Variants in ATP9A observed in about 807,000 individuals in gnomAD.
ATP9A encodes the protein ATPase phospholipid transporting 9A.
ATP9A carries 52 observed loss-of-function variants against 144.1 expected under a neutral mutation model. The ratio of observed to expected loss-of-function variants is 0.36; its 90% CI spans 0.29 to 0.45. The LOEUF (loss-of-function observed/expected upper bound fraction) is 0.45. Among genes scored for constraint, ATP9A ranks in the 20% least tolerant of loss-of-function variants. The pLI is 1.00. For synonymous variants in ATP9A, 582 were observed against 557.4 expected, an observed-to-expected ratio of 1.04 and a Z score of -0.62; for missense variants, 947 against 1,392.7, an observed-to-expected ratio of 0.68 and a Z score of 5.09.
intron 1 of ATP9A, among the ~76,000 whole-genome samples, chr20:51,752,251 A>C (rs2077835717): frequency 6.6e-6 from 1 of 152,130 alleles, no homozygotes; most frequent in Non-Finnish European, 1.5e-5. Flanking sequence ...AAAATAAAAC[A>C]ATGACAGTAC....
chr20:51,732,941 G>A (rs2077748355), intron 1 of ATP9A, among the ~76,000 whole-genome samples: 1 of 151,870 alleles, frequency 6.6e-6, no homozygotes. Context: ...CTAAGAGCCA[G>A]TAATTCTCTC....
intron 1 of ATP9A, among the ~76,000 whole-genome samples, chr20:51,736,640 C>A (rs2077764108): frequency 6.6e-6 from 1 of 151,996 alleles, no homozygotes; most frequent in African/African-American, 2.4e-5. Context: ...CAGGCGGGAG[C>A]CACCGCGCCT....
At chr20:51,622,302 T>C (rs773213255) in intron 18 of ATP9A, 130 bp from the exon 19 acceptor site, 27 of 715,526 alleles carry the variant, frequency 3.8e-5, no homozygotes, top group Middle Eastern at 3.5e-4. Context: ...CGACTCATGC[T>C]GTCCCCAACA....
intron 6 of ATP9A, among the ~76,000 whole-genome samples, chr20:51,695,265 T>G (rs1328000029): frequency 2.0e-5 from 3 of 151,910 alleles, no homozygotes; most frequent in Non-Finnish European, 4.4e-5. Flanking sequence ...AATGGATCAC[T>G]TGAGGTCAGG....
intron 1 of ATP9A, among the ~76,000 whole-genome samples, chr20:51,736,314 C>T (rs767856738): frequency 6.6e-6 from 1 of 152,196 alleles, no homozygotes; most frequent in Non-Finnish European, 1.5e-5. Flanking sequence ...ACTCCATACA[C>T]AGTGTGGATC....
In ATP9A at chr20:51,625,425, G is replaced by A. The variant is rs1465894640; in HGVS notation, c.1846-63C>T. The A allele has an allele frequency of 2.6e-6, 4 of 1,533,180 alleles. No individual in the cohort carries two copies. In the African/African-American group the frequency reaches 4.1e-5, roughly 16 times the overall value. The allele number at this position is 1,533,180 out of a possible 1,614,324, so 95.0% of individuals were successfully genotyped here. ...GAGGAGAGGCCAGGCTGACTGGCCAGTGCCAAGAGTGGAAGGGCCACACCC... is the reference window on the plus strand; with the variant it reads ...GAGGAGAGGCCAGGCTGACTGGCCAATGCCAAGAGTGGAAGGGCCACACCC... On this transcript the variant is annotated intron_variant, in intron 17 of 27. Coordinates refer to ENST00000338821, the MANE Select transcript of ATP9A (RefSeq NM_006045.3).
At chr20:51,651,907 ACT>A (rs763220779) in intron 14 of ATP9A, among the ~76,000 whole-genome samples, 6 of 152,020 alleles carry the variant, frequency 3.9e-5, no homozygotes, top group Non-Finnish European at 7.4e-5. Context: ...ACAGAGCAAG[ACT>A]CTGTCTCAAA....
intron 9 of ATP9A, among the ~76,000 whole-genome samples, chr20:51,688,190 C>A (rs2077531828): frequency 6.6e-6 from 1 of 152,206 alleles, no homozygotes; most frequent in African/African-American, 2.4e-5. Flanking sequence ...CACACATAAG[C>A]ACCCAGCACA....
intron 4 of ATP9A, among the ~76,000 whole-genome samples, chr20:51,710,700 C>T (rs1468250785): frequency 1.3e-5 from 2 of 152,102 alleles, no homozygotes; most frequent in African/African-American, 2.4e-5. Context: ...CACCAGGGGC[C>T]GCAAAGAGAG....
chr20:51,637,796 C>CTGAG (rs2077299101), intron 15 of ATP9A, among the ~76,000 whole-genome samples: 2 of 150,782 alleles, frequency 1.3e-5, no homozygotes, highest in Non-Finnish European at 2.9e-5. Flanking sequence ...TTTCGTGCAC[C>CTGAG]CATCACCTGA....
At chr20:51,677,971 A>C (rs570103866) in intron 9 of ATP9A, among the ~76,000 whole-genome samples, 3 of 152,268 alleles carry the variant, frequency 2.0e-5, no homozygotes, top group East Asian at 1.9e-4. Flanking sequence ...TATCTGTCAA[A>C]ATTTTACTTC....
At chr20:51,662,187 G>A (rs1039662577) in intron 13 of ATP9A, among the ~76,000 whole-genome samples, 1 of 152,208 alleles carries the variant, frequency 6.6e-6, no homozygotes, top group Admixed American at 6.5e-5. Context: ...GCACAAGGTT[G>A]GATCTTGCCT....
intron 9 of ATP9A, among the ~76,000 whole-genome samples, chr20:51,680,222 T>C (rs2077494327): frequency 1.1e-5 from 1 of 87,662 alleles, no homozygotes; most frequent in African/African-American, 4.8e-5. Flanking sequence ...AGTGAGACTG[T>C]CTTAAAAAAA....
At chr20:51,627,384 G>A (rs1008096993) in intron 17 of ATP9A, among the ~76,000 whole-genome samples, 1 of 152,172 alleles carries the variant, frequency 6.6e-6, no homozygotes, top group African/African-American at 2.4e-5. Flanking sequence ...TTTGAGCTGA[G>A]ACCCAAAAGA....
chr20:51,712,409 A>G (rs1287316731), intron 4 of ATP9A, among the ~76,000 whole-genome samples: 1 of 152,148 alleles, frequency 6.6e-6, no homozygotes, highest in African/African-American at 2.4e-5. Flanking sequence ...CCCAATACAT[A>G]TAACTCTGAC....
In ATP9A at chr20:51,688,867, G is replaced by A. The variant is rs570985986; in HGVS notation, c.799+197C>T. ...CTGCAGAAAGGTCCACAGGCCACGC[G>A]GGCTTCTCCTCCAGGCATCTCTAAG... is the stretch of plus-strand genomic sequence containing the variant. On this transcript the variant is annotated intron_variant, in intron 9 of 27. Coordinates refer to ENST00000338821, the MANE Select transcript of ATP9A (RefSeq NM_006045.3). 2.5e-4 allele frequency among the ~76,000 whole-genome samples: 38 copies of A among 152,182 alleles called. 1 individual carries two copies. The highest frequency in any genetic ancestry group is 2.9e-5 in the Non-Finnish European group (2 of 68,018).
intron 4 of ATP9A, among the ~76,000 whole-genome samples, chr20:51,698,591 AT>A (rs1395095686): frequency 6.6e-6 from 1 of 152,184 alleles, no homozygotes. Flanking sequence ...GTGAAACTCA[AT>A]TCCAGTGGAG....
chr20:51,638,368 T>C lies in ATP9A; in HGVS notation c.1668+975A>G, dbSNP rs114141203. Among the ~76,000 whole-genome samples, 22 of 151,090 alleles carry C rather than the reference T, an allele frequency of 1.5e-4. 1 individual carries two copies. The highest frequency in any genetic ancestry group is 5.1e-4 in the African/African-American group (21 of 41,176). On this transcript the variant is annotated intron_variant, in intron 15 of 27. Transcript: ENST00000338821. ...ATCCTTAAGATCTGAAGGAGAGTTTTCTGCAACGAAGCTAAATGATGTGAG... is the reference window on the plus strand; with the variant it reads ...ATCCTTAAGATCTGAAGGAGAGTTTCCTGCAACGAAGCTAAATGATGTGAG...
In ATP9A at chr20:51,694,095, G is replaced by C. The variant is rs1183986577; in HGVS notation, c.555C>G (p.Cys185Trp). ...CATCCAGCTGATCCGTCCGCAAGAA[G>C]CATGACCCTGTGGAAGGAAGTCGGG... ...FLRTSEKNGS[C>W]FLRTDQLDGE... The change falls in exon 7 of 28, where the codon TGC becomes TGG. Residue 185 changes from cysteine to tryptophan, a missense_variant. Around this residue, in one of 2 missense-constraint regions of ATP9A, gnomAD observed 770 missense variants for 1,047.9 expected, o/e 0.73. Coordinates refer to ENST00000338821, the MANE Select transcript of ATP9A (RefSeq NM_006045.3). 6.2e-7 allele frequency: 1 copy of C among 1,613,926 alleles called. No homozygotes were observed. The highest frequency in any genetic ancestry group is 1.7e-5 in the Admixed American group (1 of 59,982).
Sources: allele counts gnomAD v4.1 joint callset (sites outside exome capture counted in the v4.1 genomes callset), GRCh38; gene constraint gnomAD v4.1.1; regional missense constraint gnomAD v4.1.1; transcripts MANE v1.5; gene names NCBI Gene and HGNC (gene_info 2026-07-23, HGNC 2026-07-21).